Variants in TP63 observed in about 807,000 individuals in gnomAD.
The protein encoded by TP63 is tumor protein 63.
In TP63, 17 loss-of-function variants were observed where a neutral mutation model predicts 82.8. The ratio of observed to expected loss-of-function variants is 0.21; its 90% CI spans 0.14 to 0.31. The LOEUF is 0.31. Ranked by LOEUF, TP63 falls within the 10% of genes least tolerant of loss-of-function variation. The pLI, the probability that TP63 is intolerant of heterozygous loss-of-function variation, is 1.00. For missense variants in TP63, 648 were observed against 895.3 expected (o/e 0.72, Z 3.52); for synonymous variants, 330 against 321.7 (o/e 1.03, Z -0.28).
intron 7 of TP63, 149 bp from the exon 8 acceptor site, chr3:189,868,431 G>C: frequency 9.3e-7 from 1 of 1,074,844 alleles, no homozygotes; most frequent in South Asian, 1.4e-5. Flanking sequence ...GTTCTGCCAA[G>C]TGCTTTTGGG....
At chr3:189,855,955 T>C (rs1234246520) in intron 4 of TP63, among the ~76,000 whole-genome samples, 1 of 152,022 alleles carries the variant, frequency 6.6e-6, no homozygotes, top group Non-Finnish European at 1.5e-5. Context: ...CAAGGTACTT[T>C]ATACCTTCAC....
chr3:189,638,449 G>C (rs141863536), intron 1 of TP63, among the ~76,000 whole-genome samples: 279 of 152,226 alleles, frequency 1.8e-3, no homozygotes, highest in African/African-American at 6.4e-3. Flanking sequence ...GCAGATGCAA[G>C]CATCTGCTCT....
chr3:189,781,468 G>T (rs1168185342), intron 3 of TP63, among the ~76,000 whole-genome samples: 1 of 152,166 alleles, frequency 6.6e-6, no homozygotes, highest in African/African-American at 2.4e-5. Flanking sequence ...TATAACTAAA[G>T]GTGCAGACCG....
chr3:189,835,383 T>C (rs1238226316), intron 4 of TP63, among the ~76,000 whole-genome samples: 1 of 152,214 alleles, frequency 6.6e-6, no homozygotes, highest in Non-Finnish European at 1.5e-5. Flanking sequence ...AATAACTGTA[T>C]CGTTTTTACT....
At chr3:189,759,109 C>T (rs967633650) in intron 3 of TP63, among the ~76,000 whole-genome samples, 34 of 152,198 alleles carry the variant, frequency 2.2e-4, no homozygotes, top group African/African-American at 8.2e-4. Context: ...ATAATGAAGT[C>T]AGAGCTGAAT....
chr3:189,791,300 A>G (rs1481191951), intron 3 of TP63, among the ~76,000 whole-genome samples: 1 of 152,128 alleles, frequency 6.6e-6, no homozygotes, highest in Non-Finnish European at 1.5e-5. Flanking sequence ...AAGTCTGTTC[A>G]TTGATATCTC....
At chr3:189,885,278 T>A (rs1254140912) in intron 10 of TP63, among the ~76,000 whole-genome samples, 2 of 152,226 alleles carry the variant, frequency 1.3e-5, no homozygotes, top group African/African-American at 4.8e-5. Context: ...CATCTTCTCT[T>A]TTTCAGTTCT....
chr3:189,766,576 C>G (rs368607968), intron 3 of TP63, among the ~76,000 whole-genome samples: 1 of 152,192 alleles, frequency 6.6e-6, no homozygotes, highest in Non-Finnish European at 1.5e-5. Flanking sequence ...CTGTCTTCCT[C>G]GCAAGCCCTG....
At chr3:189,768,815 T>A (rs2108552567) in intron 3 of TP63, among the ~76,000 whole-genome samples, 1 of 152,196 alleles carries the variant, frequency 6.6e-6, no homozygotes, top group East Asian at 1.9e-4. Flanking sequence ...ATGTAACGGA[T>A]AAAGCATGGA....
intron 3 of TP63, among the ~76,000 whole-genome samples, chr3:189,776,379 C>T (rs1723793954): frequency 6.6e-6 from 1 of 151,978 alleles, no homozygotes; most frequent in African/African-American, 2.4e-5. Context: ...CTTGCTGGGG[C>T]CTAAGAAGAG....
the TP63 span, among the ~76,000 whole-genome samples, chr3:189,610,715 T>G: frequency 6.6e-6 from 1 of 152,236 alleles, no homozygotes; most frequent in Admixed American, 6.5e-5. Context: ...TTTTCAGATA[T>G]CTTTTCAGCA....
chr3:189,665,873 C>T (rs1212323905), intron 1 of TP63, among the ~76,000 whole-genome samples: 1 of 151,974 alleles, frequency 6.6e-6, no homozygotes, highest in Non-Finnish European at 1.5e-5. Context: ...TAATTTTAAG[C>T]ATAACTTTAA....
At chr3:189,841,445 C>T (rs1714104564) in intron 4 of TP63, among the ~76,000 whole-genome samples, 1 of 152,166 alleles carries the variant, frequency 6.6e-6, no homozygotes, top group South Asian at 2.1e-4. Context: ...GATACATAGT[C>T]TCCCATTTCT....
At chr3:189,608,339 C>G in the TP63 span, among the ~76,000 whole-genome samples, 24 of 152,112 alleles carry the variant, frequency 1.6e-4, no homozygotes, top group African/African-American at 5.1e-4. Flanking sequence ...AACTCCCATC[C>G]TCCTAGCTCA....
At chr3:189,880,058 C>T in intron 10 of TP63, 1 of 1,613,598 alleles carries the variant, frequency 6.2e-7, no homozygotes, top group Non-Finnish European at 8.5e-7. Context: ...TGGTTCCTCT[C>T]TGCAGTCTCC....
At chr3:189,860,758 C>T (rs992826310) in intron 4 of TP63, among the ~76,000 whole-genome samples, 1 of 152,146 alleles carries the variant, frequency 6.6e-6, no homozygotes, top group African/African-American at 2.4e-5. Flanking sequence ...ATTGTCCTGG[C>T]ATGACGTGGA....
chr3:189,876,869 GC>G (rs1417633219), intron 10 of TP63, among the ~76,000 whole-genome samples: 2 of 151,988 alleles, frequency 1.3e-5, no homozygotes, highest in Non-Finnish European at 2.9e-5. Flanking sequence ...ACCTATAATA[GC>G]CTGTGATTTT....
intron 11 of TP63, among the ~76,000 whole-genome samples, chr3:189,888,008 C>T (rs1055739942): frequency 1.3e-5 from 2 of 152,106 alleles, no homozygotes; most frequent in Non-Finnish European, 2.9e-5. Flanking sequence ...AGGCGTGCAC[C>T]ACCACGCCCG....
intron 1 of TP63, among the ~76,000 whole-genome samples, chr3:189,664,091 A>G (rs1714165364): frequency 6.6e-6 from 1 of 152,080 alleles, no homozygotes; most frequent in South Asian, 2.1e-4. Flanking sequence ...TAAGCTGCAG[A>G]TTAGAACTTA....
Sources: gnomAD v4.1 joint callset for allele counts (sites outside exome capture counted in the v4.1 genomes callset) on GRCh38, gnomAD v4.1.1 for gene constraint, MANE v1.5 for transcripts, NCBI Gene and HGNC (gene_info 2026-07-23, HGNC 2026-07-21) for gene names.